Variants in KATNIP observed in about 807,000 individuals in gnomAD.
KATNIP encodes the protein katanin interacting protein.
A neutral mutation model predicts 174.0 loss-of-function variants in KATNIP; 126 were observed. The observed-to-expected ratio is 0.72, with a 90% CI of 0.63 to 0.84. KATNIP has a LOEUF of 0.84. Ranked by LOEUF, KATNIP falls within the 40% of genes least tolerant of loss-of-function variation. The pLI is 0.00. For synonymous variants in KATNIP, 810 were observed against 835.7 expected (o/e 0.97, Z 0.53); for missense variants, 1,958 against 2,109.7 (o/e 0.93, Z 1.41).
chr16:27,581,678 A>T (rs957954527), intron 2 of KATNIP, among the ~76,000 whole-genome samples: 2 of 152,236 alleles, frequency 1.3e-5, no homozygotes, highest in Admixed American at 1.3e-4. Context: ...TGAGATATTG[A>T]TGCACCCATC....
At chr16:27,569,834 C>T (rs1359920033) in intron 1 of KATNIP, among the ~76,000 whole-genome samples, 1 of 152,092 alleles carries the variant, frequency 6.6e-6, no homozygotes, top group Non-Finnish European at 1.5e-5. Flanking sequence ...AATTATTTTC[C>T]GATTTAATGA....
At chr16:27,692,833 C>T (rs1340080768) in intron 8 of KATNIP, among the ~76,000 whole-genome samples, 1 of 152,214 alleles carries the variant, frequency 6.6e-6, no homozygotes, top group Non-Finnish European at 1.5e-5. Context: ...ACTCCCACAC[C>T]AAGAGCAGCA....
chr16:27,557,108 A>G (rs2089660423), intron 1 of KATNIP, among the ~76,000 whole-genome samples: 1 of 150,688 alleles, frequency 6.6e-6, no homozygotes, highest in Non-Finnish European at 1.5e-5. Context: ...ATGGGAATTC[A>G]TTGTACTATT....
chr16:27,672,467 G>A (rs578106850), intron 6 of KATNIP, among the ~76,000 whole-genome samples: 3 of 152,174 alleles, frequency 2.0e-5, no homozygotes, highest in South Asian at 2.1e-4. Context: ...GTCTCCTCCC[G>A]CCCCACACTG....
At chr16:27,576,384 A>G (rs539944792) in intron 2 of KATNIP, among the ~76,000 whole-genome samples, 1 of 152,314 alleles carries the variant, frequency 6.6e-6, no homozygotes, top group Non-Finnish European at 1.5e-5. Flanking sequence ...AGGCCTTTTG[A>G]AAAAAGGAGA....
Position 27,567,071 on chromosome 16 carries a change from G to A in KATNIP, c.8-6830G>A, listed in dbSNP as rs541345567. On this transcript the variant is annotated intron_variant, in intron 1 of 27. Coordinates refer to ENST00000261588, the MANE Select transcript of KATNIP (RefSeq NM_015202.5). ...TCATTCTTATCTCTCACACATTACT[G>A]ATTGATCTCTTAAAAGAAGTCAGTT... Among the ~76,000 whole-genome samples, 5 of 152,182 alleles carry A rather than the reference G, an allele frequency of 3.3e-5. No individual in the cohort carries two copies. In the East Asian group the frequency reaches 9.6e-4, roughly 29 times the overall value.
chr16:27,683,079 G>A (rs2078405894), intron 8 of KATNIP, among the ~76,000 whole-genome samples: 2 of 152,154 alleles, frequency 1.3e-5, no homozygotes, highest in African/African-American at 2.4e-5. Context: ...CAGTTATTCT[G>A]TTATAAGCAA....
chr16:27,577,705 G>A (rs1004234143), intron 2 of KATNIP, among the ~76,000 whole-genome samples: 1 of 151,748 alleles, frequency 6.6e-6, no homozygotes. Flanking sequence ...GAAATGAAAT[G>A]AAATAAAATA....
At chr16:27,715,477 G>A (rs2079890226) in intron 13 of KATNIP, among the ~76,000 whole-genome samples, 1 of 152,110 alleles carries the variant, frequency 6.6e-6, no homozygotes, top group African/African-American at 2.4e-5. Flanking sequence ...TTTTGCTTCA[G>A]ATGACACTGT....
intron 1 of KATNIP, among the ~76,000 whole-genome samples, chr16:27,556,621 C>G (rs1270990125): frequency 6.6e-6 from 1 of 152,182 alleles, no homozygotes; most frequent in Non-Finnish European, 1.5e-5. Flanking sequence ...TTTAGCCTCA[C>G]TTGTCCAAAT....
Position 27,721,559 on chromosome 16 carries a change from G to T in KATNIP, c.1607G>T (p.Gly536Val). 1 of 1,614,072 alleles carries T rather than the reference G, an allele frequency of 6.2e-7. No individual in the cohort carries two copies. Among genetic ancestry groups the T allele is most frequent in the Non-Finnish European group, 8.5e-7 (1 of 1,179,992 alleles). ...TTCCTTCTCTTGCTGGCCTTCTAGG[G>T]CAAGAAAGACTCCTCCCCGTGGACC... Reference protein sequence around the residue: ...LGRLVNRNLAGKKDSSPWTCP... With the variant: ...LGRLVNRNLAVKKDSSPWTCP... Residue 536 changes from glycine (G) to valine (V), a missense_variant and splice_region_variant, in exon 14 of 28, where the codon GGC (glycine) becomes GTC (valine). Around this residue, in one of 3 missense-constraint regions of KATNIP, gnomAD observed 1,557 missense variants for 1,617.8 expected, o/e 0.96. Coordinates refer to ENST00000261588, the MANE Select transcript of KATNIP (RefSeq NM_015202.5).
intron 2 of KATNIP, among the ~76,000 whole-genome samples, chr16:27,577,682 A>G (rs147908167): frequency 1.2e-3 from 182 of 152,250 alleles, no homozygotes; most frequent in African/African-American, 4.3e-3. Flanking sequence ...ACAGAGTGAG[A>G]CTTGTCTCAA....
chr16:27,702,823 C>T (rs1363651297), intron 11 of KATNIP, among the ~76,000 whole-genome samples: 2 of 152,160 alleles, frequency 1.3e-5, no homozygotes, highest in Non-Finnish European at 2.9e-5. Context: ...AGGTGGAAAT[C>T]AGGGCTGTGT....
chr16:27,614,080 A>ATT (rs796523527), intron 2 of KATNIP, among the ~76,000 whole-genome samples: 4 of 142,038 alleles, frequency 2.8e-5, no homozygotes, highest in African/African-American at 1.0e-4. Context: ...CACACCAGCT[A>ATT]TTTTTTTTTT....
chr16:27,615,285 C>T (rs2076009117), intron 2 of KATNIP, among the ~76,000 whole-genome samples: 1 of 148,710 alleles, frequency 6.7e-6, no homozygotes, highest in South Asian at 2.1e-4. Flanking sequence ...TGCACCACCA[C>T]ATCTGGCCTT....
At chr16:27,579,588 G>T (rs2090618848) in intron 2 of KATNIP, among the ~76,000 whole-genome samples, 1 of 152,162 alleles carries the variant, frequency 6.6e-6, no homozygotes, top group Admixed American at 6.5e-5. Context: ...ACTCCAGCCA[G>T]ACTTGAGGCT....
intron 14 of KATNIP, among the ~76,000 whole-genome samples, chr16:27,729,857 C>T (rs928162476): frequency 6.6e-6 from 1 of 152,230 alleles, no homozygotes; most frequent in African/African-American, 2.4e-5. Flanking sequence ...AAACTAGTCT[C>T]CTTCCCAATC....
chr16:27,697,924 T>G (rs1460449354), intron 8 of KATNIP, among the ~76,000 whole-genome samples: 1 of 152,160 alleles, frequency 6.6e-6, no homozygotes, highest in Non-Finnish European at 1.5e-5. Context: ...GCAGACATCA[T>G]TCCCCTTTAC....
chr16:27,751,934 G>A lies in KATNIP; in HGVS notation c.3552+10G>A. On this transcript the variant is annotated intron_variant, in intron 17 of 27. Transcript: ENST00000261588. Reference sequence around the variant, plus strand: ...GGGGGCTGATGAACGGGTAGGACTGGAGCTGGGGGGCTGTGGGGGGACCCC... The same window carrying A: ...GGGGGCTGATGAACGGGTAGGACTGAAGCTGGGGGGCTGTGGGGGGACCCC... 6.3e-7 allele frequency: 1 copy of A among 1,595,262 alleles called. No individual in the cohort carries two copies. Among genetic ancestry groups the A allele is most frequent in the Admixed American group, 1.7e-5 (1 of 59,030 alleles).
Sources: allele counts gnomAD v4.1 joint callset (sites outside exome capture counted in the v4.1 genomes callset), GRCh38; gene constraint gnomAD v4.1.1; regional missense constraint gnomAD v4.1.1; transcripts MANE v1.5; gene names NCBI Gene and HGNC (gene_info 2026-07-23, HGNC 2026-07-21).